The following USP15 variants were observed in gnomAD, a reference collection of about 807,000 sequenced individuals.
USP15 encodes the protein ubiquitin carboxyl-terminal hydrolase 15.
Under a neutral mutation model 127.1 loss-of-function variants are expected in USP15, and 18 were observed. That is an observed-to-expected ratio of 0.14 (90% CI 0.10 to 0.21). The LOEUF is 0.21. Among genes scored for constraint, USP15 ranks in the 10% least tolerant of loss-of-function variants. The pLI is 1.00. For missense variants in USP15, 805 were observed against 1,159.9 expected (o/e 0.69, Z 4.44); for synonymous variants, 364 against 393.7 (o/e 0.92, Z 0.89).
At chr12:62,280,744 G>C in intron 1 of USP15, among the ~76,000 whole-genome samples, 1 of 152,098 alleles carries the variant, frequency 6.6e-6, no homozygotes, top group South Asian at 2.1e-4. Flanking sequence ...AGGTAGAAGG[G>C]GTTATGAGGC....
chr12:62,389,741 A>G (rs1346972105), intron 13 of USP15, 42 bp downstream of exon 13: 3 of 1,597,818 alleles, frequency 1.9e-6, no homozygotes, highest in African/African-American at 2.7e-5. Flanking sequence ...CTTGAAAAAA[A>G]ATTAATAGAA....
chr12:62,284,456 T>C lies in USP15; in HGVS notation c.90-9723T>C, dbSNP rs1023303779. Among the ~76,000 whole-genome samples, 9 of 152,338 alleles carry C rather than the reference T, an allele frequency of 5.9e-5. No individual in the cohort carries two copies. The East Asian group carries it at 1.7e-3, about 29-fold the overall frequency. On this transcript the variant is annotated intron_variant, in intron 1 of 21. Transcript: ENST00000280377. Reference sequence around the variant, plus strand: ...TACATAGATAATTCTGCATATCCACTTTTAGGGAGTTAAACTCATGAATAT... The same window carrying C: ...TACATAGATAATTCTGCATATCCACCTTTAGGGAGTTAAACTCATGAATAT...
rs530309278 is a variant in USP15, at chr12:62,350,439, ATTC to A, written c.770+1137_770+1139del. 8.4e-4 allele frequency among the ~76,000 whole-genome samples: 128 copies of A among 152,326 alleles called. 1 individual carries two copies. Among genetic ancestry groups the A allele is most frequent in the African/African-American group, 2.9e-3 (122 of 41,590 alleles). On this transcript the variant is annotated intron_variant, in intron 7 of 21. Transcript: ENST00000280377. ...TGAGAAAATTGGCTCATATCTGAGA[ATTC>A]TTCTCTGGAATTTTAAATCCAAGAT... is the stretch of plus-strand genomic sequence containing the variant.
intron 1 of USP15, among the ~76,000 whole-genome samples, chr12:62,263,123 G>A (rs908127546): frequency 7.2e-5 from 11 of 152,134 alleles, no homozygotes; most frequent in East Asian, 1.9e-4. Context: ...CAGAACTGGT[G>A]GTGATATGTA....
At chr12:62,325,278 C>A (rs1425669098) in intron 5 of USP15, among the ~76,000 whole-genome samples, 3 of 151,956 alleles carry the variant, frequency 2.0e-5, no homozygotes, top group African/African-American at 4.8e-5. Flanking sequence ...CAGAGAACTT[C>A]AGTCTGATTC....
Position 62,302,925 on chromosome 12 carries a change from A to T in USP15, c.348+5A>T. ...CAAGAGCCAATAGCACGAAAGGTAC[A>T]TTTTAATAATAACTGACTATAAATA... On this transcript the variant is annotated splice_donor_5th_base_variant and intron_variant, in intron 3 of 21. Coordinates refer to ENST00000280377, the MANE Select transcript of USP15 (RefSeq NM_001252078.2). 6.2e-7 allele frequency: 1 copy of T among 1,608,350 alleles called. No homozygotes were observed. The highest frequency in any genetic ancestry group is 8.5e-7 in the Non-Finnish European group (1 of 1,176,916).
At chr12:62,370,067 C>T (rs1033903433) in intron 8 of USP15, among the ~76,000 whole-genome samples, 2 of 152,050 alleles carry the variant, frequency 1.3e-5, no homozygotes, top group African/African-American at 2.4e-5. Flanking sequence ...CTCTGCCTCC[C>T]GGGTTCAAGC....
chr12:62,322,925 T>G (rs2065025387), intron 5 of USP15, among the ~76,000 whole-genome samples: 1 of 152,224 alleles, frequency 6.6e-6, no homozygotes, highest in East Asian at 1.9e-4. Flanking sequence ...TTATTCCATC[T>G]GCCTGATGAT....
At chr12:62,276,828 A>G (rs1592474437) in intron 1 of USP15, among the ~76,000 whole-genome samples, 1 of 152,288 alleles carries the variant, frequency 6.6e-6, no homozygotes, top group East Asian at 1.9e-4. Flanking sequence ...TAAATACAAA[A>G]GATCATATAA....
rs572166157 is a variant in USP15, at chr12:62,375,755, C to T, written c.916-5735C>T. ...TGTCTTAAGACGCCTAATTCAAATTCGAGTACTCTTATTACTTGCAGTTTC... is the reference window on the plus strand; with the variant it reads ...TGTCTTAAGACGCCTAATTCAAATTTGAGTACTCTTATTACTTGCAGTTTC... On this transcript the variant is annotated intron_variant, in intron 8 of 21. Transcript: ENST00000280377. 1.1e-4 allele frequency among the ~76,000 whole-genome samples: 16 copies of T among 152,244 alleles called. No individual in the cohort carries two copies. In the East Asian group the frequency reaches 1.7e-3, roughly 17 times the overall value.
chr12:62,270,893 A>G (rs925381964), intron 1 of USP15, among the ~76,000 whole-genome samples: 1 of 152,066 alleles, frequency 6.6e-6, no homozygotes, highest in Non-Finnish European at 1.5e-5. Context: ...TGACACACTC[A>G]TCTTTTTGCA....
intron 1 of USP15, among the ~76,000 whole-genome samples, chr12:62,270,006 T>C (rs940868936): frequency 6.6e-6 from 1 of 152,128 alleles, no homozygotes; most frequent in Non-Finnish European, 1.5e-5. Flanking sequence ...CAGCAGTGTA[T>C]GAGGGTTCCA....
chr12:62,310,187 T>G (rs1392567755), intron 3 of USP15, among the ~76,000 whole-genome samples: 1 of 151,938 alleles, frequency 6.6e-6, no homozygotes, highest in Admixed American at 6.6e-5. Flanking sequence ...TTGTACAAAT[T>G]AGTGGTGTAC....
intron 3 of USP15, among the ~76,000 whole-genome samples, chr12:62,308,874 A>G (rs1043828299): frequency 2.0e-5 from 3 of 152,148 alleles, no homozygotes; most frequent in Non-Finnish European, 4.4e-5. Context: ...AAATGGAAAA[A>G]TATACTTTTA....
At chr12:62,395,668 C>T (rs1308959154) in intron 19 of USP15, among the ~76,000 whole-genome samples, 1 of 151,614 alleles carries the variant, frequency 6.6e-6, no homozygotes, top group African/African-American at 2.4e-5. Context: ...TTGTCATCCT[C>T]TAGTAATCAT....
At chr12:62,284,155 A>ATTTCTT (rs1419537596) in intron 1 of USP15, among the ~76,000 whole-genome samples, 1 of 152,242 alleles carries the variant, frequency 6.6e-6, no homozygotes, top group Non-Finnish European at 1.5e-5. Context: ...GTGGATAAGA[A>ATTTCTT]GACTCACTTT....
intron 20 of USP15, 128 bp from the exon 21 acceptor site, chr12:62,401,059 A>G: frequency 2.1e-6 from 1 of 485,460 alleles, no homozygotes; most frequent in Non-Finnish European, 3.5e-6. Flanking sequence ...TTGAATATGT[A>G]ATAAATAAGC....
At chr12:62,294,552 A>G (rs2064072355) in intron 2 of USP15, 1 of 276,024 alleles carries the variant, frequency 3.6e-6, no homozygotes, top group South Asian at 8.0e-5. Flanking sequence ...CCCTTAAATG[A>G]AGAACTGATT....
intron 1 of USP15, among the ~76,000 whole-genome samples, chr12:62,261,886 G>A (rs571357617): frequency 3.3e-5 from 5 of 152,140 alleles, no homozygotes; most frequent in African/African-American, 9.6e-5. Flanking sequence ...AATCCCTAAG[G>A]ATGTAAATAC....
Sources: allele counts gnomAD v4.1 joint callset (sites outside exome capture counted in the v4.1 genomes callset), GRCh38; gene constraint gnomAD v4.1.1; transcripts MANE v1.5; gene names NCBI Gene and HGNC (gene_info 2026-07-23, HGNC 2026-07-21).